Variants in MPZL1 observed in about 807,000 individuals in gnomAD.
MPZL1 encodes the protein myelin protein zero like 1.
A neutral mutation model predicts 29.3 loss-of-function variants in MPZL1; 16 were observed. That is an observed-to-expected ratio of 0.55 (90% CI 0.37 to 0.83). The LOEUF (loss-of-function observed/expected upper bound fraction) is 0.83. MPZL1 is among the 40% of genes least tolerant of loss of function. The pLI is 0.00. For missense variants in MPZL1, 279 were observed against 332.9 expected (o/e 0.84, Z 1.26); for synonymous variants, 143 against 132.0 (o/e 1.08, Z -0.57).
At chr1:167,780,373 T>C (rs1228573275) in intron 5 of MPZL1, among the ~76,000 whole-genome samples, 1 of 152,152 alleles carries the variant, frequency 6.6e-6, no homozygotes, top group Non-Finnish European at 1.5e-5. Flanking sequence ...AATAAAAAGA[T>C]CCAGGTAGGT....
chr1:167,741,661 C>T lies in MPZL1; in HGVS notation c.91+19419C>T, dbSNP rs1007431752. ...CTTAACTGCTTTCCCAATTTCAGTC[C>T]GTATTCCCCTCCACTCCATTTTCTA... On this transcript the variant is annotated intron_variant, in intron 1 of 5. Transcript: ENST00000359523. Among the ~76,000 whole-genome samples the T allele has an allele frequency of 2.0e-5, 3 of 152,014 alleles. 1 individual carries two copies. Among genetic ancestry groups the T allele is most frequent in the South Asian group, 4.1e-4 (2 of 4,834 alleles).
At chr1:167,731,671 C>G (rs1660274589) in intron 1 of MPZL1, among the ~76,000 whole-genome samples, 1 of 151,786 alleles carries the variant, frequency 6.6e-6, no homozygotes. Context: ...ATTTCCTGAC[C>G]TCGTGATTCC....
At chr1:167,771,484 G>A (rs1387877261) in intron 2 of MPZL1, among the ~76,000 whole-genome samples, 2 of 152,020 alleles carry the variant, frequency 1.3e-5, no homozygotes, top group African/African-American at 4.8e-5. Flanking sequence ...CGTCATCATG[G>A]CCCGTTCTCA....
At position 167,788,542 on chromosome 1, in the gene MPZL1, A is replaced by C. The variant is rs1661637749; in HGVS notation, c.*621A>C. The C allele has an allele frequency of 2.0e-5, 3 of 152,414 alleles. No homozygotes were observed. Among genetic ancestry groups the C allele is most frequent in the Admixed American group, 2.0e-4 (3 of 15,314 alleles). 9.4% of individuals were successfully genotyped at this position (152,414 alleles called of 1,614,324 possible). A position where few individuals can be genotyped will look rare whatever the true frequency, so the allele number is the denominator to read the frequency against. On this transcript the variant is annotated 3_prime_UTR_variant, in exon 6 of 6. Transcript: ENST00000359523. ...TTAGCCTTACATGTTGTGTAGACTT[A>C]CTTTAAGTTTGCACCCTTGAAATGT...
intron 1 of MPZL1, among the ~76,000 whole-genome samples, chr1:167,764,015 G>GA: frequency 6.6e-6 from 1 of 152,216 alleles, no homozygotes; most frequent in East Asian, 1.9e-4. Context: ...TCTTCAAGGA[G>GA]AAAAAATTCT....
intron 1 of MPZL1, among the ~76,000 whole-genome samples, chr1:167,736,741 G>A (rs1660385746): frequency 6.6e-6 from 1 of 152,152 alleles, no homozygotes; most frequent in South Asian, 2.1e-4. Flanking sequence ...TACTGCAAGA[G>A]GCTTGAGACT....
At chr1:167,726,710 T>C (rs1660152256) in intron 1 of MPZL1, among the ~76,000 whole-genome samples, 1 of 152,250 alleles carries the variant, frequency 6.6e-6, no homozygotes, top group African/African-American at 2.4e-5. Context: ...AAAATATGTA[T>C]ATTTTTTACT....
intron 5 of MPZL1, among the ~76,000 whole-genome samples, chr1:167,780,877 G>A (rs1014178028): frequency 6.6e-6 from 1 of 152,088 alleles, no homozygotes; most frequent in Non-Finnish European, 1.5e-5. Flanking sequence ...TAATTTTTAT[G>A]TTATATATAT....
intron 1 of MPZL1, among the ~76,000 whole-genome samples, chr1:167,750,935 A>G (rs377672885): frequency 6.6e-6 from 1 of 152,232 alleles, no homozygotes; most frequent in Non-Finnish European, 1.5e-5. Flanking sequence ...AGCCAGTTAC[A>G]TAGTAGATTG....
intron 1 of MPZL1, among the ~76,000 whole-genome samples, chr1:167,725,266 A>G (rs1660116809): frequency 6.6e-6 from 1 of 151,978 alleles, no homozygotes; most frequent in African/African-American, 2.4e-5. Flanking sequence ...TATTACTGTG[A>G]TAGCCTCCCA....
chr1:167,760,499 G>A (rs756966786), intron 1 of MPZL1, among the ~76,000 whole-genome samples: 2 of 151,964 alleles, frequency 1.3e-5, no homozygotes, highest in Admixed American at 6.6e-5. Flanking sequence ...CACCGCACCC[G>A]GCCCCTCTAG....
chr1:167,781,443 G>A (rs1391747875), intron 5 of MPZL1, among the ~76,000 whole-genome samples: 3 of 152,052 alleles, frequency 2.0e-5, no homozygotes, highest in African/African-American at 7.2e-5. Context: ...TCAACAGAAA[G>A]ATACCTGGAA....
At chr1:167,728,454 C>T (rs371800118) in intron 1 of MPZL1, among the ~76,000 whole-genome samples, 4 of 148,424 alleles carry the variant, frequency 2.7e-5, no homozygotes, top group Non-Finnish European at 6.0e-5. Context: ...GTGATCCACC[C>T]GCCTCGGCCT....
chr1:167,767,792 CTTTT>C (rs58079089), intron 2 of MPZL1, among the ~76,000 whole-genome samples: 2 of 58,108 alleles, frequency 3.4e-5, no homozygotes, highest in East Asian at 6.5e-4. Flanking sequence ...CCCTTTTCTG[CTTTT>C]TTTTTTTTTT....
rs1661651747 is a variant in MPZL1 at position 167,789,005 on chromosome 1, C to A, written c.*1084C>A. 6.6e-6 allele frequency: 1 copy of A among 151,864 alleles called. No individual in the cohort carries two copies. Among genetic ancestry groups the A allele is most frequent in the African/African-American group, 2.4e-5 (1 of 41,304 alleles). 9.4% of individuals were successfully genotyped at this position (151,864 alleles called of 1,614,324 possible). ...GGAACGAACTATAGTTGCACCACTG[C>A]AGCTGGCAAGAATCACCTTCTTTAT... On this transcript the variant is annotated 3_prime_UTR_variant, in exon 6 of 6. Coordinates refer to ENST00000359523, the MANE Select transcript of MPZL1 (RefSeq NM_003953.6).
Position 167,722,202 on chromosome 1 carries a change from G to A in MPZL1, c.51G>A (p.Arg17=). 8.1e-7 allele frequency: 1 copy of A among 1,239,000 alleles called. No individual in the cohort carries two copies. Among genetic ancestry groups the A allele is most frequent in the Non-Finnish European group, 1.0e-6 (1 of 987,874 alleles). 76.8% of individuals were successfully genotyped at this position (1,239,000 alleles called of 1,614,324 possible). The change falls in exon 1 of 6, where the codon CGG becomes CGA. Residue 17 remains arginine, a synonymous_variant. Coordinates refer to ENST00000359523, the MANE Select transcript of MPZL1 (RefSeq NM_003953.6). The part of the protein sequence containing the change: ...AGAVIAAPDS[R]RWLWSVLAAA... ...CGGTGATTGCAGCCCCAGACAGCCG[G>A]CGCTGGCTGTGGTCGGTGCTGGCGG... is the stretch of plus-strand genomic sequence containing the variant.
chr1:167,722,527 G>A (rs1206683454), intron 1 of MPZL1, among the ~76,000 whole-genome samples: 1 of 152,118 alleles, frequency 6.6e-6, no homozygotes, highest in Non-Finnish European at 1.5e-5. Context: ...GCGGTCCAGG[G>A]GAGCGGACCC....
At chr1:167,756,969 G>A (rs1016939464) in intron 1 of MPZL1, among the ~76,000 whole-genome samples, 6 of 152,110 alleles carry the variant, frequency 3.9e-5, no homozygotes, top group African/African-American at 1.4e-4. Context: ...TGAGATTAAG[G>A]CCTGAAGCAT....
At chr1:167,786,813 G>C (rs1408082316) in intron 5 of MPZL1, among the ~76,000 whole-genome samples, 1 of 152,232 alleles carries the variant, frequency 6.6e-6, no homozygotes, top group Non-Finnish European at 1.5e-5. Context: ...CACGTTATTA[G>C]ACTTCTCAAG....
Sources: gnomAD v4.1 joint callset for allele counts (sites outside exome capture counted in the v4.1 genomes callset) on GRCh38, gnomAD v4.1.1 for gene constraint, MANE v1.5 for transcripts, NCBI Gene and HGNC (gene_info 2026-07-23, HGNC 2026-07-21) for gene names.